The following PRCP variants were observed in gnomAD, a reference collection of about 807,000 sequenced individuals.
PRCP encodes prolylcarboxypeptidase.
In PRCP, 46 loss-of-function variants were observed where a neutral mutation model predicts 54.2. The observed-to-expected ratio is 0.85, with a 90% CI of 0.67 to 1.09. The LOEUF is 1.09. PRCP is among the 50% of genes least tolerant of loss of function. The pLI is 0.00. For synonymous variants in PRCP, 240 were observed against 212.2 expected, an observed-to-expected ratio of 1.13 and a Z score of -1.14; for missense variants, 613 against 596.8, an observed-to-expected ratio of 1.03 and a Z score of -0.28.
intron 8 of PRCP, 76 bp from the exon 9 acceptor site, chr11:82,825,198 T>C (rs1362214277): frequency 2.3e-6 from 3 of 1,327,692 alleles, no homozygotes; most frequent in Admixed American, 4.3e-5. Context: ...AGAAGAAACC[T>C]ATTACATGTT....
intron 1 of PRCP, among the ~76,000 whole-genome samples, chr11:82,875,963 T>A (rs907504675): frequency 6.6e-5 from 10 of 152,200 alleles, no homozygotes; most frequent in Admixed American, 3.3e-4. Context: ...GATTTCCTCC[T>A]GCCTGGAATG....
intron 1 of PRCP, chr11:82,884,992 T>A: frequency 6.9e-7 from 1 of 1,445,878 alleles, no homozygotes; most frequent in South Asian, 1.4e-5. Context: ...AATATTGTCA[T>A]GTGAAAGAAA....
chr11:82,846,850 A>G (rs367547235), intron 6 of PRCP, among the ~76,000 whole-genome samples: 4 of 152,220 alleles, frequency 2.6e-5, no homozygotes, highest in East Asian at 1.9e-4. Flanking sequence ...TAGACTGCTC[A>G]CTATTCCAAA....
rs758942476 is a variant in PRCP, at chr11:82,849,084, T to A, written c.886A>T (p.Asn296Tyr). 14 of 1,613,904 alleles carry A rather than the reference T, an allele frequency of 8.7e-6. No individual in the cohort carries two copies. The African/African-American group carries it at 1.7e-4, about 20-fold the overall frequency. Residue 296 changes from asparagine (N) to tyrosine (Y), a missense_variant, in exon 6 of 9, where the codon AAC (asparagine) becomes TAC (tyrosine). Asn to Tyr is a moderately radical substitution (Grantham distance 143). Coordinates refer to ENST00000313010, the MANE Select transcript of PRCP (RefSeq NM_005040.4). ...LAMVDYPYAS[N>Y]FLQPLPAWPI... ...CAAGCAGGCAAAGGCTGTAAAAAGT[T>A]AGAGGCATAAGGATAGTCCACCATT... is the stretch of plus-strand genomic sequence containing the variant.
chr11:82,852,984 G>T (rs1030399795), intron 3 of PRCP, among the ~76,000 whole-genome samples, 193 bp downstream of exon 3: 1 of 149,646 alleles, frequency 6.7e-6, no homozygotes, highest in Admixed American at 6.6e-5. Flanking sequence ...TTAACATTAA[G>T]AATTATAATA....
At chr11:82,832,659 G>A (rs945188254) in intron 8 of PRCP, among the ~76,000 whole-genome samples, 1 of 152,192 alleles carries the variant, frequency 6.6e-6, no homozygotes, top group Non-Finnish European at 1.5e-5. Flanking sequence ...TAGGTTGCCT[G>A]TTCACTCTGA....
chr11:82,862,481 G>C (rs979790683), intron 1 of PRCP, among the ~76,000 whole-genome samples: 10 of 152,282 alleles, frequency 6.6e-5, no homozygotes, highest in Admixed American at 4.6e-4. Context: ...TTCCAGCGCT[G>C]CTCCAGTCTC....
chr11:82,866,607 C>T (rs144256145), intron 1 of PRCP, among the ~76,000 whole-genome samples: 6 of 152,160 alleles, frequency 3.9e-5, no homozygotes, highest in African/African-American at 1.4e-4. Context: ...TGGGAGAGTC[C>T]ATCATGGGGA....
intron 1 of PRCP, among the ~76,000 whole-genome samples, chr11:82,878,774 A>G (rs1859668168): frequency 1.3e-5 from 2 of 152,134 alleles, no homozygotes; most frequent in South Asian, 4.2e-4. Context: ...TTGTCTATAA[A>G]GGATTTTATT....
At chr11:82,868,689 G>T (rs1445233178) in intron 1 of PRCP, among the ~76,000 whole-genome samples, 1 of 152,162 alleles carries the variant, frequency 6.6e-6, no homozygotes, top group African/African-American at 2.4e-5. Context: ...ATAAATTCAG[G>T]AACTGTTGTT....
rs564506180 is a variant in PRCP at position 82,840,871 on chromosome 11, G to A, written c.922-1446C>T. 11 of 151,960 alleles carry A rather than the reference G, an allele frequency of 7.2e-5. No homozygotes were observed. The East Asian group carries it at 1.9e-3, about 27-fold the overall frequency. 9.4% of individuals were successfully genotyped at this position (151,960 alleles called of 1,614,324 possible). On this transcript the variant is annotated intron_variant, in intron 6 of 8. Transcript: ENST00000313010. Reference sequence around the variant, plus strand: ...ATAGGGCCTAGATTTGTTCCCAGCTGTCTCTGGTTATGAAATATACATCTT... The same window carrying A: ...ATAGGGCCTAGATTTGTTCCCAGCTATCTCTGGTTATGAAATATACATCTT...
chr11:82,839,181 T>C, intron 7 of PRCP, 80 bp downstream of exon 7: 1 of 1,461,968 alleles, frequency 6.8e-7, no homozygotes, highest in Admixed American at 2.2e-5. Flanking sequence ...TGACAAAATC[T>C]TGTGTACCCT....
At chr11:82,833,135 A>G (rs796914315) in intron 8 of PRCP, among the ~76,000 whole-genome samples, 1 of 152,294 alleles carries the variant, frequency 6.6e-6, no homozygotes, top group African/African-American at 2.4e-5. Flanking sequence ...CTGAGCATTC[A>G]TTATGCGCCA....
chr11:82,893,509 T>C (rs1335202271), intron 1 of PRCP, among the ~76,000 whole-genome samples: 2 of 152,206 alleles, frequency 1.3e-5, no homozygotes, highest in Non-Finnish European at 2.9e-5. Flanking sequence ...GTTCTCTTGC[T>C]CGCCGAGTTT....
At chr11:82,899,737 T>A (rs1051747482) in intron 1 of PRCP, among the ~76,000 whole-genome samples, 3 of 152,016 alleles carry the variant, frequency 2.0e-5, no homozygotes, top group African/African-American at 7.3e-5. Context: ...TTCTTAATAA[T>A]AGGGCTACAA....
intron 1 of PRCP, chr11:82,899,930 AG>A (rs2121295257): frequency 2.7e-6 from 1 of 366,458 alleles, no homozygotes; most frequent in African/African-American, 2.2e-5. Context: ...GGGAAGGTCA[AG>A]GGAGTTCGGA....
upstream of PRCP, chr11:82,900,574 A>G (rs1429505511): frequency 3.5e-6 from 3 of 858,192 alleles, no homozygotes; most frequent in Admixed American, 6.0e-5. Context: ...AGGTCACCAC[A>G]GCCACTCCGC....
At chr11:82,848,023 T>C (rs967331126) in intron 6 of PRCP, among the ~76,000 whole-genome samples, 3 of 152,254 alleles carry the variant, frequency 2.0e-5, no homozygotes, top group Non-Finnish European at 4.4e-5. Flanking sequence ...CTGGTCATTC[T>C]ACTTTTTAAA....
chr11:82,880,392 G>A (rs746702271), intron 1 of PRCP, among the ~76,000 whole-genome samples: 1 of 152,196 alleles, frequency 6.6e-6, no homozygotes, highest in Non-Finnish European at 1.5e-5. Flanking sequence ...CATTGGAAAA[G>A]CACAGTATTA....
Sources: gnomAD v4.1 joint callset for allele counts (sites outside exome capture counted in the v4.1 genomes callset) on GRCh38, gnomAD v4.1.1 for gene constraint, MANE v1.5 for transcripts, NCBI Gene and HGNC (gene_info 2026-07-23, HGNC 2026-07-21) for gene names.